DCAF8L2: variants seen among roughly 807,000 people sequenced by gnomAD.
DCAF8L2 encodes the protein DDB1- and CUL4-associated factor 8-like protein 2.
For synonymous variants in DCAF8L2, 200 were observed against 190.9 expected, an observed-to-expected ratio of 1.05 and a Z score of -0.39; for missense variants, 430 against 490.7, an observed-to-expected ratio of 0.88 and a Z score of 1.17.
At position 27,747,427 on chromosome X, in the gene DCAF8L2, G is replaced by C. The variant is rs1223007184; in HGVS notation, c.532G>C (p.Glu178Gln). ...GGCGCTGGAGGAGTGGGTTTCCTCA[G>C]AGACATCTGCCCTGCCCCGACCTCG... ...DQALEEWVSS[E>Q]TSALPRPRWQ... Residue 178 changes from glutamate to glutamine, a missense_variant, in exon 5 of 5, where the codon GAG becomes CAG. Glu to Gln is a conservative substitution (Grantham distance 29). Coordinates refer to ENST00000451261, the MANE Select transcript of DCAF8L2 (RefSeq NM_001353450.2). 18 of 1,171,113 alleles carry C rather than the reference G, an allele frequency of 1.5e-5. No homozygotes were observed. The highest frequency in any genetic ancestry group is 1.9e-5 in the Non-Finnish European group (17 of 875,629).
intron 2 of DCAF8L2, among the ~76,000 whole-genome samples, chrX:27,635,424 A>G (rs918829221): frequency 2.7e-5 from 3 of 111,855 alleles, no homozygotes; most frequent in Non-Finnish European, 5.6e-5. Context: ...CTGTGTTGAT[A>G]GTAATCATGC....
chrX:27,493,960 C>T, the DCAF8L2 span, among the ~76,000 whole-genome samples: 1 of 111,013 alleles, frequency 9.0e-6, no homozygotes, highest in Admixed American at 9.6e-5. Flanking sequence ...ATGTAGAATC[C>T]TATTTCTTTT....
the DCAF8L2 span, chrX:27,519,487 C>T: frequency 5.9e-6 from 6 of 1,014,690 alleles, no homozygotes; most frequent in Non-Finnish European, 8.3e-6. Context: ...TACTGAGTTG[C>T]AACACAAAGC....
intron 3 of DCAF8L2, among the ~76,000 whole-genome samples, chrX:27,711,096 A>G (rs1931511407): frequency 8.9e-6 from 1 of 111,738 alleles, no homozygotes; most frequent in Admixed American, 9.5e-5. Context: ...TGTTCTCTTA[A>G]TATGGTTTGC....
intron 3 of DCAF8L2, among the ~76,000 whole-genome samples, chrX:27,703,328 T>A (rs1339618119): frequency 9.0e-6 from 1 of 111,003 alleles, no homozygotes; most frequent in Non-Finnish European, 1.9e-5. Flanking sequence ...GGCAAACCGA[T>A]CCTAAATTTA....
intron 2 of DCAF8L2, among the ~76,000 whole-genome samples, chrX:27,656,963 T>A (rs1929375553): frequency 9.0e-6 from 1 of 110,696 alleles, no homozygotes; most frequent in South Asian, 3.9e-4. Flanking sequence ...GAGACTAACA[T>A]TTGAGTCAGT....
chrX:27,498,012 G>T, the DCAF8L2 span, among the ~76,000 whole-genome samples: 1 of 112,185 alleles, frequency 8.9e-6, no homozygotes, highest in Non-Finnish European at 1.9e-5. Flanking sequence ...CCTTCTTAAA[G>T]CTAAATACTA....
At chrX:27,692,150 C>G (rs1245769283) in intron 3 of DCAF8L2, among the ~76,000 whole-genome samples, 2 of 111,873 alleles carry the variant, frequency 1.8e-5, no homozygotes, top group Non-Finnish European at 3.8e-5. Context: ...GATAACATAG[C>G]TCTCCTTTTC....
chrX:27,645,244 C>T (rs1189528751), intron 2 of DCAF8L2, among the ~76,000 whole-genome samples: 4 of 112,038 alleles, frequency 3.6e-5, no homozygotes, highest in African/African-American at 1.3e-4. Context: ...GCTTTATTCC[C>T]AATATGCAAG....
At chrX:27,710,172 A>G (rs762579497) in intron 3 of DCAF8L2, among the ~76,000 whole-genome samples, 7 of 111,402 alleles carry the variant, frequency 6.3e-5, no homozygotes, top group African/African-American at 1.6e-4. Context: ...CTGCAGCCCA[A>G]TGTCATATTG....
intron 4 of DCAF8L2, among the ~76,000 whole-genome samples, chrX:27,728,088 C>A (rs1330750354): frequency 1.8e-5 from 2 of 111,664 alleles, no homozygotes; most frequent in African/African-American, 6.5e-5. Flanking sequence ...CTGCTTTGGG[C>A]TTGCCTACTA....
the DCAF8L2 span, among the ~76,000 whole-genome samples, chrX:27,579,615 T>TACACACACACACAC: frequency 3.2e-3 from 282 of 87,916 alleles, 1 homozygote; most frequent in African/African-American, 6.9e-3. Context: ...TTCAGAGAAA[T>TACACACACACACAC]ACACACACAC....
the DCAF8L2 span, among the ~76,000 whole-genome samples, chrX:27,502,335 A>AAAAAAAAAAAATAT: frequency 2.4e-4 from 3 of 12,708 alleles, no homozygotes; most frequent in Non-Finnish European, 3.0e-4. Flanking sequence ...AAAAAAAAAA[A>AAAAAAAAAAAATAT]ATATATATAT....
intron 1 of DCAF8L2, among the ~76,000 whole-genome samples, chrX:27,613,392 T>C (rs1927287605): frequency 9.0e-6 from 1 of 111,706 alleles, no homozygotes; most frequent in Non-Finnish European, 1.9e-5. Flanking sequence ...TCATGTCATC[T>C]GCAAACAGGG....
chrX:27,575,018 C>T, the DCAF8L2 span, among the ~76,000 whole-genome samples: 28 of 111,599 alleles, frequency 2.5e-4, no homozygotes, highest in Non-Finnish European at 3.6e-4. Context: ...TCGGATCACG[C>T]GTGGGCTTGG....
intron 1 of DCAF8L2, among the ~76,000 whole-genome samples, chrX:27,597,335 A>T (rs1305000923): frequency 1.8e-5 from 2 of 111,463 alleles, no homozygotes; most frequent in African/African-American, 6.5e-5. Context: ...ATTGCTGATG[A>T]CTTTTCCTTG....
At chrX:27,498,635 G>T in the DCAF8L2 span, among the ~76,000 whole-genome samples, 210 of 111,926 alleles carry the variant, frequency 1.9e-3, no homozygotes, top group African/African-American at 6.7e-3. Context: ...ACTATAGCCA[G>T]CATGCTGTAT....
the DCAF8L2 span, among the ~76,000 whole-genome samples, chrX:27,503,369 T>G: frequency 9.0e-6 from 1 of 111,516 alleles, no homozygotes; most frequent in Non-Finnish European, 1.9e-5. Flanking sequence ...TAAGAACTCT[T>G]TGCCTAACTC....
At chrX:27,662,601 T>C (rs1019510676) in intron 2 of DCAF8L2, among the ~76,000 whole-genome samples, 3 of 112,044 alleles carry the variant, frequency 2.7e-5, no homozygotes, top group South Asian at 7.3e-4. Context: ...ATTTTCTCTT[T>C]ATCACAAACA....
Sources: gnomAD v4.1 joint callset for allele counts (sites outside exome capture counted in the v4.1 genomes callset) on GRCh38, gnomAD v4.1.1 for gene constraint, MANE v1.5 for transcripts, NCBI Gene and HGNC (gene_info 2026-07-23, HGNC 2026-07-21) for gene names.